CDH13: variants seen among roughly 807,000 people sequenced by gnomAD.
CDH13 encodes the protein cadherin 13, also known as cadherin-13.
CDH13 carries 24 observed loss-of-function variants against 63.8 expected under a neutral mutation model. The observed-to-expected ratio is 0.38, with a 90% CI of 0.27 to 0.53. The LOEUF (loss-of-function observed/expected upper bound fraction) is 0.53. Among genes scored for constraint, CDH13 ranks in the 20% least tolerant of loss-of-function variants. The pLI, the probability that CDH13 is intolerant of heterozygous loss-of-function variation, is 0.85. For synonymous variants in CDH13, 503 were observed against 355.3 expected, an observed-to-expected ratio of 1.42 and a Z score of -4.67; for missense variants, 1,049 against 903.1, an observed-to-expected ratio of 1.16 and a Z score of -2.07.
chr16:82,693,767 T>C lies in CDH13; in HGVS notation c.45+66630T>C, dbSNP rs1475997902. On this transcript the variant is annotated intron_variant, in intron 1 of 13. Transcript: ENST00000567109. ...ACTTGAGGCATATTTCATGGAATGATAGGAGTAGAGCAAGGTATTTATTTT... is the reference window on the plus strand; with the variant it reads ...ACTTGAGGCATATTTCATGGAATGACAGGAGTAGAGCAAGGTATTTATTTT... Among the ~76,000 whole-genome samples, 4 of 152,228 alleles carry C rather than the reference T, an allele frequency of 2.6e-5. No individual in the cohort carries two copies. The East Asian group carries it at 7.7e-4, about 29-fold the overall frequency.
intron 7 of CDH13, among the ~76,000 whole-genome samples, chr16:83,533,383 A>C (rs1291147443): frequency 6.6e-6 from 1 of 152,150 alleles, no homozygotes; most frequent in African/African-American, 2.4e-5. Context: ...CCCAAAGACA[A>C]GATGGGAGGT....
intron 10 of CDH13, among the ~76,000 whole-genome samples, chr16:83,727,616 T>C (rs1006257138): frequency 6.6e-6 from 1 of 151,974 alleles, no homozygotes; most frequent in African/African-American, 2.4e-5. Context: ...ATATCAACAT[T>C]GGAGATTTTA....
At chr16:83,491,779 C>G (rs994424875) in intron 7 of CDH13, among the ~76,000 whole-genome samples, 2 of 152,054 alleles carry the variant, frequency 1.3e-5, no homozygotes, top group African/African-American at 4.8e-5. Flanking sequence ...TGAAAATGTA[C>G]ATATAATACA....
At chr16:83,703,714 T>G (rs1348770500) in intron 10 of CDH13, among the ~76,000 whole-genome samples, 1 of 152,204 alleles carries the variant, frequency 6.6e-6, no homozygotes, top group African/African-American at 2.4e-5. Flanking sequence ...GAAAAGTACT[T>G]TTTAAGAAAC....
At position 82,752,643 on chromosome 16, in the gene CDH13, A is replaced by T. The variant is rs181131065; in HGVS notation, c.46-105719A>T. On this transcript the variant is annotated intron_variant, in intron 1 of 13. Coordinates refer to ENST00000567109, the MANE Select transcript of CDH13 (RefSeq NM_001257.5). ...TCAAACAAGCTTAAGAAAAGCAGGGAATTCCTGGGAGGATGCAGGAGCAGG... is the reference window on the plus strand; with the variant it reads ...TCAAACAAGCTTAAGAAAAGCAGGGTATTCCTGGGAGGATGCAGGAGCAGG... 2.6e-5 allele frequency among the ~76,000 whole-genome samples: 4 copies of T among 152,350 alleles called. No homozygotes were observed. In the East Asian group the frequency reaches 7.7e-4, roughly 29 times the overall value.
chr16:83,221,300 C>T (rs936002090), intron 5 of CDH13, among the ~76,000 whole-genome samples: 2 of 152,102 alleles, frequency 1.3e-5, no homozygotes, highest in African/African-American at 4.8e-5. Flanking sequence ...GCCATCTTGC[C>T]ACTCCTCCCT....
At chr16:83,786,212 A>T (rs1383059064) in intron 13 of CDH13, among the ~76,000 whole-genome samples, 1 of 152,212 alleles carries the variant, frequency 6.6e-6, no homozygotes. Flanking sequence ...GAAACCAACT[A>T]GGAAGAGTTG....
chr16:83,303,112 GGGA>G (rs2089789070), intron 5 of CDH13, among the ~76,000 whole-genome samples: 1 of 152,184 alleles, frequency 6.6e-6, no homozygotes. Flanking sequence ...TGTCATCTTT[GGGA>G]GGAGAAGGAA....
intron 3 of CDH13, among the ~76,000 whole-genome samples, chr16:83,055,858 T>C (rs2151513212): frequency 6.6e-6 from 1 of 152,270 alleles, no homozygotes; most frequent in East Asian, 1.9e-4. Flanking sequence ...TAAATTTGAC[T>C]TCAATAAAAG....
intron 2 of CDH13, among the ~76,000 whole-genome samples, chr16:82,943,432 C>A (rs1206724549): frequency 1.3e-5 from 2 of 152,222 alleles, no homozygotes; most frequent in East Asian, 3.9e-4. Context: ...ACCTAAGCAT[C>A]CAATAGTGAA....
intron 7 of CDH13, among the ~76,000 whole-genome samples, chr16:83,539,834 T>G (rs1232738980): frequency 6.6e-6 from 1 of 152,178 alleles, no homozygotes; most frequent in African/African-American, 2.4e-5. Context: ...TAGAAAGAAA[T>G]ATTTTAGCTT....
chr16:83,455,162 C>T (rs2151515818), intron 6 of CDH13, among the ~76,000 whole-genome samples: 1 of 152,234 alleles, frequency 6.6e-6, no homozygotes, highest in African/African-American at 2.4e-5. Context: ...GGTTATAGAC[C>T]TGAGACATGA....
chr16:83,190,350 A>T (rs1033698055), intron 4 of CDH13, among the ~76,000 whole-genome samples: 1 of 152,210 alleles, frequency 6.6e-6, no homozygotes, highest in African/African-American at 2.4e-5. Flanking sequence ...TGCTGGGTAA[A>T]CAAATCTATA....
chr16:82,950,377 T>C (rs1441130046), intron 2 of CDH13, among the ~76,000 whole-genome samples: 1 of 152,074 alleles, frequency 6.6e-6, no homozygotes, highest in Non-Finnish European at 1.5e-5. Context: ...CCCACCCAAA[T>C]CTCATCTTGA....
At chr16:83,346,176 G>T (rs2090835731) in intron 6 of CDH13, among the ~76,000 whole-genome samples, 1 of 152,338 alleles carries the variant, frequency 6.6e-6, no homozygotes, top group Admixed American at 6.5e-5. Flanking sequence ...GTGCTGGAGG[G>T]TGTTTAGGGG....
At chr16:83,521,242 C>A (rs1039709000) in intron 7 of CDH13, among the ~76,000 whole-genome samples, 1 of 152,046 alleles carries the variant, frequency 6.6e-6, no homozygotes, top group African/African-American at 2.4e-5. Context: ...AGGTTTCTTC[C>A]AGCTTTAAGG....
chr16:82,938,284 A>G (rs184268805), intron 2 of CDH13, among the ~76,000 whole-genome samples: 181 of 152,334 alleles, frequency 1.2e-3, no homozygotes, highest in Non-Finnish European at 2.2e-3. Context: ...AGGAATCGTG[A>G]TAAGGTGAAT....
intron 4 of CDH13, among the ~76,000 whole-genome samples, chr16:83,179,536 C>CAGCT (rs991500712): frequency 2.0e-5 from 3 of 147,970 alleles, no homozygotes; most frequent in African/African-American, 7.5e-5. Flanking sequence ...CCTGTAGTCC[C>CAGCT]AGCTACTCGG....
chr16:82,691,988 A>T (rs1045835477), intron 1 of CDH13, among the ~76,000 whole-genome samples: 1 of 152,210 alleles, frequency 6.6e-6, no homozygotes, highest in South Asian at 2.1e-4. Flanking sequence ...ACTCATGTAA[A>T]GCATGTCTAT....
Sources: gnomAD v4.1 joint callset for allele counts (sites outside exome capture counted in the v4.1 genomes callset) on GRCh38, gnomAD v4.1.1 for gene constraint, MANE v1.5 for transcripts, NCBI Gene and HGNC (gene_info 2026-07-23, HGNC 2026-07-21) for gene names.